The following TTC12 variants were observed in gnomAD, a reference collection of about 807,000 sequenced individuals.
The protein encoded by TTC12 is tetratricopeptide repeat domain 12.
TTC12 carries 70 observed loss-of-function variants against 90.1 expected under a neutral mutation model. That is an observed-to-expected ratio of 0.78 (90% CI 0.64 to 0.95). The LOEUF (loss-of-function observed/expected upper bound fraction) is 0.95, where lower values mean the gene tolerates loss of function less well. Among genes scored for constraint, TTC12 ranks in the 40% least tolerant of loss-of-function variants. The pLI is 0.00. For synonymous variants in TTC12, 296 were observed against 311.5 expected (o/e 0.95, Z 0.53); for missense variants, 819 against 846.1 (o/e 0.97, Z 0.40).
intron 5 of TTC12, among the ~76,000 whole-genome samples, chr11:113,324,973 T>TG (rs1394743074): frequency 6.6e-6 from 1 of 151,862 alleles, no homozygotes; most frequent in East Asian, 1.9e-4. Flanking sequence ...CAGGAAGTAG[T>TG]GGGGGGTGAG....
chr11:113,315,688 A>G (rs1401153511), intron 1 of TTC12, among the ~76,000 whole-genome samples: 1 of 152,244 alleles, frequency 6.6e-6, no homozygotes. Flanking sequence ...CCTAGAGCAG[A>G]AGAGACGCTG....
chr11:113,331,023 T>G (rs1370588492), intron 7 of TTC12, among the ~76,000 whole-genome samples: 1 of 152,180 alleles, frequency 6.6e-6, no homozygotes, highest in African/African-American at 2.4e-5. Context: ...CTGCTTTATT[T>G]CTTATTGAGA....
At chr11:113,373,283 T>G in exon 22 of TTC12, 1 of 927,814 alleles carries the variant, frequency 1.1e-6, no homozygotes, top group Non-Finnish European at 1.3e-6. Context: ...ACATAATGAC[T>G]TCATTGTTAT....
intron 3 of TTC12, 40 bp from the exon 4 acceptor site, chr11:113,323,954 A>G (rs879961817): frequency 6.3e-7 from 1 of 1,579,256 alleles, no homozygotes; most frequent in African/African-American, 1.4e-5. Flanking sequence ...GTGGTTTTTG[A>G]AATTTGTTTC....
chr11:113,369,724 T>C (rs1437426700), downstream of TTC12, among the ~76,000 whole-genome samples: 1 of 152,052 alleles, frequency 6.6e-6, no homozygotes, highest in Non-Finnish European at 1.5e-5. Flanking sequence ...TTCCTCTCTA[T>C]AAAATGGGAG....
At chr11:113,354,495 A>G (rs117915114) in intron 16 of TTC12, among the ~76,000 whole-genome samples, 2,762 of 152,202 alleles carry the variant, frequency 0.018, 23 homozygotes, top group Middle Eastern at 0.065. Context: ...TTCTAATGCT[A>G]TGTTGAATAG....
Position 113,339,431 on chromosome 11 carries a change from C to G in TTC12, c.783C>G (p.Phe261Leu). Residue 261 changes from phenylalanine to leucine, a missense_variant, in exon 10 of 22, where the codon TTC becomes TTG. Phe to Leu is a conservative substitution (Grantham distance 22, BLOSUM62 0). Coordinates refer to ENST00000529221, the MANE Select transcript of TTC12 (RefSeq NM_017868.4). ...CCAAGCCTGACCAGATCCCCTTGTT[C>G]TATGCTGGGGGGATTGAGATCCTGA... Reference protein sequence around the residue: ...TLSKPDQIPLFYAGGIEILTE... With the variant: ...TLSKPDQIPLLYAGGIEILTE... 3 of 1,613,486 alleles carry G rather than the reference C, an allele frequency of 1.9e-6. No individual in the cohort carries two copies. The South Asian group carries it at 3.3e-5, about 18-fold the overall frequency.
In TTC12 at chr11:113,316,302, T is replaced by C; in HGVS notation, c.45T>C (p.Asn15=). 1 of 1,465,970 alleles carries C rather than the reference T, an allele frequency of 6.8e-7. No homozygotes were observed. Among genetic ancestry groups the C allele is most frequent in the Non-Finnish European group, 9.1e-7 (1 of 1,103,326 alleles). The allele number at this position is 1,465,970 out of a possible 1,614,324, so 90.8% of individuals were successfully genotyped here. A position where few individuals can be genotyped will look rare whatever the true frequency, so the allele number is the denominator to read the frequency against. Residue 15 remains asparagine (N), a synonymous_variant, in exon 2 of 22, where the codon AAT becomes AAC. Coordinates refer to ENST00000529221, the MANE Select transcript of TTC12 (RefSeq NM_017868.4). The part of the protein sequence containing the change: ...KEKDLQKFLK[N]VDEISNLIQE... ...AAGATTTGCAGAAATTTCTTAAAAATGTGGATGAAATCTGTAAGTACTAGT... is the reference window on the plus strand; with the variant it reads ...AAGATTTGCAGAAATTTCTTAAAAACGTGGATGAAATCTGTAAGTACTAGT...
In TTC12 at chr11:113,350,062, G is replaced by GT; in HGVS notation, c.1155-5dup. ...GACAGCTACCTCTGAGGTTATTATGGTTTTTTGCAGATTATTGGAAGCGCT... is the reference window on the plus strand; with the variant it reads ...GACAGCTACCTCTGAGGTTATTATGGTTTTTTTGCAGATTATTGGAAGCGCT... On this transcript the variant is annotated splice_polypyrimidine_tract_variant and intron_variant, in intron 13 of 21. Coordinates refer to ENST00000529221, the MANE Select transcript of TTC12 (RefSeq NM_017868.4). The GT allele has an allele frequency of 6.2e-7, 1 of 1,611,786 alleles. No homozygotes were observed. Among genetic ancestry groups the GT allele is most frequent in the Non-Finnish European group, 8.5e-7 (1 of 1,177,978 alleles).
At chr11:113,344,825 T>C (rs1276441976) in intron 13 of TTC12, among the ~76,000 whole-genome samples, 6 of 152,220 alleles carry the variant, frequency 3.9e-5, no homozygotes, top group Non-Finnish European at 8.8e-5. Flanking sequence ...TCCTGTCTTA[T>C]TCTACGTGTC....
At position 113,359,789 on chromosome 11, in the gene TTC12, A is replaced by C; in HGVS notation, c.1546-151A>C. The C allele has an allele frequency of 4.7e-6, 3 of 641,994 alleles. No homozygotes were observed. The South Asian group carries it at 6.0e-5, about 13-fold the overall frequency. 39.8% of individuals were successfully genotyped at this position (641,994 alleles called of 1,614,324 possible). ...GGAGTTAGGGGAGACAGACATGGGGAGGAATAAAAGCAGTAAAAGATGGTG... is the reference window on the plus strand; with the variant it reads ...GGAGTTAGGGGAGACAGACATGGGGCGGAATAAAAGCAGTAAAAGATGGTG... On this transcript the variant is annotated intron_variant, in intron 17 of 21. Transcript: ENST00000529221.
chr11:113,329,209 C>T (rs1947876339), intron 6 of TTC12, among the ~76,000 whole-genome samples: 1 of 152,228 alleles, frequency 6.6e-6, no homozygotes, highest in East Asian at 1.9e-4. Context: ...TCCAGGCTAT[C>T]TTCCAGATGG....
chr11:113,362,827 C>T (rs1555155811), intron 19 of TTC12, among the ~76,000 whole-genome samples: 1 of 152,216 alleles, frequency 6.6e-6, no homozygotes, highest in Non-Finnish European at 1.5e-5. Flanking sequence ...GTTTCTCAGG[C>T]ACATTGTTCT....
Position 113,352,200 on chromosome 11 carries a change from G to A in TTC12, c.1439G>A (p.Ser480Asn). The A allele has an allele frequency of 1.2e-6, 2 of 1,614,190 alleles. No individual in the cohort carries two copies. The highest frequency in any genetic ancestry group is 2.2e-5 in the East Asian group (1 of 44,884). ...GAGGAATTTGGGGATGGCTGCTTGA[G>A]CCTCCTGGTATGTTAGCTTTTCTAT... Reference protein sequence around the residue: ...ACEEFGDGCLSLLARCEEDVD... With the variant: ...ACEEFGDGCLNLLARCEEDVD... The change falls in exon 16 of 22, where the codon AGC becomes AAC. Residue 480 changes from serine to asparagine, a missense_variant. Transcript: ENST00000529221.
intron 2 of TTC12, among the ~76,000 whole-genome samples, chr11:113,317,190 A>G (rs559970002): frequency 6.6e-6 from 1 of 152,312 alleles, no homozygotes; most frequent in South Asian, 2.1e-4. Context: ...CCACATCTAC[A>G]TGGACACTTA....
chr11:113,368,389 C>T (rs117852026), downstream of TTC12: 3,105 of 1,548,334 alleles, frequency 2.0e-3, 6 homozygotes, highest in Non-Finnish European at 2.6e-3. Context: ...AAAATACCAG[C>T]GCCATCTTTC....
At chr11:113,355,163 A>AT (rs1371278607) in intron 16 of TTC12, among the ~76,000 whole-genome samples, 1 of 151,908 alleles carries the variant, frequency 6.6e-6, no homozygotes, top group East Asian at 1.9e-4. Context: ...CAGGGATTCA[A>AT]TTTTTTTCCT....
intron 20 of TTC12, 21 bp downstream of exon 20, chr11:113,363,948 G>A: frequency 6.4e-7 from 1 of 1,561,252 alleles, no homozygotes; most frequent in Non-Finnish European, 8.8e-7. Context: ...ATTTCCTTAA[G>A]GGAGCCCTTG....
chr11:113,346,084 G>A (rs146385638), intron 13 of TTC12, among the ~76,000 whole-genome samples: 761 of 152,262 alleles, frequency 5.0e-3, no homozygotes, highest in Non-Finnish European at 8.2e-3. Context: ...CCCCTTGACC[G>A]TCACGGCAGC....
Sources: allele counts gnomAD v4.1 joint callset (sites outside exome capture counted in the v4.1 genomes callset), GRCh38; gene constraint gnomAD v4.1.1; transcripts MANE v1.5; gene names NCBI Gene and HGNC (gene_info 2026-07-23, HGNC 2026-07-21).